The following ACTN4 variants were observed in gnomAD, a reference collection of about 807,000 sequenced individuals.
ACTN4 encodes the protein alpha-actinin-4.
Under a neutral mutation model 114.2 loss-of-function variants are expected in ACTN4, and 18 were observed. The ratio of observed to expected loss-of-function variants is 0.16; its 90% confidence interval spans 0.11 to 0.23. The LOEUF is 0.23. Ranked by LOEUF, ACTN4 falls within the 10% of genes least tolerant of loss-of-function variation. The probability of loss-of-function intolerance (pLI) is 1.00; values close to 1 mark genes in which losing one functional copy is unlikely to be tolerated. For synonymous variants in ACTN4, 515 were observed against 506.3 expected (o/e 1.02, Z -0.23); for missense variants, 722 against 1,262.9 (o/e 0.57, Z 6.49).
intron 3 of ACTN4, among the ~76,000 whole-genome samples, chr19:38,701,369 C>T (rs1004532137): frequency 7.2e-5 from 11 of 152,208 alleles, no homozygotes; most frequent in African/African-American, 2.7e-4. Flanking sequence ...ACCCACCCAA[C>T]CACGGGGGCG....
At chr19:38,660,917 G>A (rs557665393) in intron 1 of ACTN4, among the ~76,000 whole-genome samples, 1 of 152,246 alleles carries the variant, frequency 6.6e-6, no homozygotes, top group South Asian at 2.1e-4. Context: ...TGCAGTGCAG[G>A]TACTTCAGAT....
At chr19:38,698,870 G>A (rs1485954467) in intron 1 of ACTN4, among the ~76,000 whole-genome samples, 3 of 152,208 alleles carry the variant, frequency 2.0e-5, no homozygotes, top group Admixed American at 2.0e-4. Context: ...AGGGGGCTTT[G>A]TGTCGAGTCT....
At chr19:38,677,585 G>C (rs1203951476) in intron 1 of ACTN4, among the ~76,000 whole-genome samples, 1 of 82,632 alleles carries the variant, frequency 1.2e-5, no homozygotes, top group South Asian at 5.4e-4. Flanking sequence ...ACTCACCCCT[G>C]CCAGGCTCAT....
intron 6 of ACTN4, 79 bp from the exon 7 acceptor site, chr19:38,709,316 C>A: frequency 8.9e-7 from 1 of 1,126,504 alleles, no homozygotes; most frequent in Non-Finnish European, 1.4e-6. Flanking sequence ...GTCTCTCCCT[C>A]TGGGCCAGCC....
intron 11 of ACTN4, among the ~76,000 whole-genome samples, chr19:38,719,961 C>T (rs941177157): frequency 3.9e-5 from 6 of 152,242 alleles, no homozygotes; most frequent in African/African-American, 4.8e-5. Flanking sequence ...ACGTCCCTGC[C>T]CCACCCCTAC....
chr19:38,648,754 A>G (rs879877380), intron 1 of ACTN4, among the ~76,000 whole-genome samples: 2 of 151,790 alleles, frequency 1.3e-5, no homozygotes, highest in Admixed American at 1.3e-4. Flanking sequence ...GGGATGGAGA[A>G]GCCGAAGTAG....
intron 1 of ACTN4, among the ~76,000 whole-genome samples, chr19:38,649,260 T>G (rs1488754222): frequency 1.1e-5 from 1 of 91,244 alleles, no homozygotes; most frequent in Non-Finnish European, 2.0e-5. Flanking sequence ...CCGAGCGAGG[T>G]GTCAGTGTCT....
intron 1 of ACTN4, among the ~76,000 whole-genome samples, chr19:38,699,417 C>T (rs1238195867): frequency 6.6e-6 from 1 of 152,190 alleles, no homozygotes; most frequent in African/African-American, 2.4e-5. Context: ...GCCTGCCTCC[C>T]ACTTGCCTTC....
intron 1 of ACTN4, among the ~76,000 whole-genome samples, chr19:38,687,161 T>A (rs1967773214): frequency 6.6e-6 from 1 of 151,872 alleles, no homozygotes; most frequent in Non-Finnish European, 1.5e-5. Flanking sequence ...AGACGGCTGG[T>A]CTCTACTAAT....
At chr19:38,667,970 G>C (rs1967016069) in intron 1 of ACTN4, among the ~76,000 whole-genome samples, 1 of 152,350 alleles carries the variant, frequency 6.6e-6, no homozygotes, top group South Asian at 2.1e-4. Context: ...CTATTTATAC[G>C]GCGGAAGGCA....
At chr19:38,682,862 A>T (rs980201672) in intron 1 of ACTN4, among the ~76,000 whole-genome samples, 1 of 152,004 alleles carries the variant, frequency 6.6e-6, no homozygotes, top group African/African-American at 2.4e-5. Context: ...TCAGCCTCAA[A>T]TGTCATCTCC....
chr19:38,674,897 C>T (rs1015583088), intron 1 of ACTN4, among the ~76,000 whole-genome samples: 3 of 152,128 alleles, frequency 2.0e-5, no homozygotes, highest in South Asian at 2.1e-4. Context: ...CTCGTGATAT[C>T]GCTGATTCAG....
In ACTN4 at chr19:38,728,978, C is replaced by G. The variant is rs762472007; in HGVS notation, c.2419-18C>G. 5 of 1,612,206 alleles carry G rather than the reference C, an allele frequency of 3.1e-6. No homozygotes were observed. Among genetic ancestry groups the G allele is most frequent in the Non-Finnish European group, 4.2e-6 (5 of 1,179,972 alleles). ...CCACTAAATGTCGGGTGTCCCCCAC[C>G]CCACCCTCTCCTTGCAGGGTGAGGC... is the stretch of plus-strand genomic sequence containing the variant. On this transcript the variant is annotated intron_variant, in intron 19 of 20. Coordinates refer to ENST00000252699, the MANE Select transcript of ACTN4 (RefSeq NM_004924.6).
intron 19 of ACTN4, chr19:38,728,453 C>G (rs1346426977): frequency 1.9e-6 from 2 of 1,037,760 alleles, no homozygotes; most frequent in East Asian, 1.1e-4. Context: ...CCTCCTCCCC[C>G]CCACCTCTCC....
chr19:38,727,629 C>CA lies in ACTN4; in HGVS notation c.2338-317_2338-316insA, dbSNP rs1273669376. On this transcript the variant is annotated intron_variant, in intron 18 of 20. Transcript: ENST00000252699. The surrounding 1 kb of genome is among the most constrained non-coding windows in gnomAD (Gnocchi z 5.4). Reference sequence around the variant, plus strand: ...TCCAAATCCCAAAGGCAAGGAGAACCCCCCCCCCGACCCTCCACCAGTCCT... The same window carrying CA: ...TCCAAATCCCAAAGGCAAGGAGAACCACCCCCCCCGACCCTCCACCAGTCCT... Among the ~76,000 whole-genome samples, 2 of 134,458 alleles carry CA rather than the reference C, an allele frequency of 1.5e-5. No homozygotes were observed. The highest frequency in any genetic ancestry group is 2.7e-5 in the African/African-American group (1 of 36,700). 88.2% of individuals were successfully genotyped at this position (134,458 alleles called of 152,430 possible). A position where few individuals can be genotyped will look rare whatever the true frequency, so the allele number is the denominator to read the frequency against.
At chr19:38,695,072 G>T (rs964226308) in intron 1 of ACTN4, among the ~76,000 whole-genome samples, 10 of 152,054 alleles carry the variant, frequency 6.6e-5, no homozygotes, top group Admixed American at 5.9e-4. Flanking sequence ...ATGGGGTTTT[G>T]CCATGTTGCC....
In ACTN4 at chr19:38,729,121, C is replaced by T. The variant is rs371953712; in HGVS notation, c.2544C>T (p.Val848=). Residue 848 remains valine, a synonymous_variant, in exon 20 of 21, where the codon GTC becomes GTT. Transcript: ENST00000252699. The part of the protein sequence containing the change: ...ETTDTDTADQ[V]IASFKVLAGD... ...CCGACACGGACACGGCTGACCAGGT[C>T]ATCGCTTCCTTCAAGGTCTTAGCAG... 1.2e-6 allele frequency: 2 copies of T among 1,613,140 alleles called. No homozygotes were observed. The highest frequency in any genetic ancestry group is 2.7e-5 in the African/African-American group (2 of 74,888).
At chr19:38,689,184 C>A (rs1051372204) in intron 1 of ACTN4, among the ~76,000 whole-genome samples, 3 of 152,122 alleles carry the variant, frequency 2.0e-5, no homozygotes, top group African/African-American at 7.2e-5. Flanking sequence ...AAATAATGCC[C>A]ATCAGCCAAT....
rs779173708 is a variant in ACTN4, at chr19:38,717,937, A to G, written c.1154A>G (p.Asn385Ser). 1.1e-5 allele frequency: 18 copies of G among 1,601,496 alleles called. No individual in the cohort carries two copies. The Admixed American group carries it at 1.4e-4, about 12-fold the overall frequency. The change falls in exon 11 of 21, where the codon AAT becomes AGT. Residue 385 changes from asparagine to serine, a missense_variant. Around this residue, in one of 3 missense-constraint regions of ACTN4, gnomAD observed 523 missense variants for 875.9 expected, o/e 0.60. Transcript: ENST00000252699. This position sits in a 1 kb window ranked among gnomAD's most constrained non-coding sequence, Gnocchi z 4.0. ...SEGKMVSDIN[N>S]GWQHLEQAEK... ...CCTGCCCTGCCCCAGGACATCAACA[A>G]TGGCTGGCAGCACTTGGAGCAGGCT... is the stretch of plus-strand genomic sequence containing the variant.
Sources: gnomAD v4.1 joint callset for allele counts (sites outside exome capture counted in the v4.1 genomes callset) on GRCh38, gnomAD v4.1.1 for gene constraint, gnomAD v4.1.1 regional missense constraint, Gnocchi (gnomAD v3.1) non-coding constraint, MANE v1.5 for transcripts, NCBI Gene and HGNC (gene_info 2026-07-23, HGNC 2026-07-21) for gene names.